The following ZNF707 variants were observed in gnomAD, a reference collection of about 807,000 sequenced individuals.
The protein encoded by ZNF707 is zinc finger protein 707.
ZNF707 carries 8 observed loss-of-function variants against 13.3 expected under a neutral mutation model. That is an observed-to-expected ratio of 0.60 (90% CI 0.35 to 1.09). ZNF707 has a LOEUF of 1.09. ZNF707 is among the 50% of genes least tolerant of loss of function. The probability of loss-of-function intolerance (pLI) is 0.02; values close to 1 mark genes in which losing one functional copy is unlikely to be tolerated. For missense variants in ZNF707, 530 were observed against 512.6 expected (o/e 1.03, Z -0.33); for synonymous variants, 225 against 205.6 (o/e 1.09, Z -0.81).
rs958869492 is a variant in ZNF707, at chr8:143,694,772, G to C, written c.*242G>C. ...GAGATGGCGGGGGCTGCGCCCCGGC[G>C]CCGGGCATCCTGGGGATGTGCTGAG... On this transcript the variant is annotated 3_prime_UTR_variant, in exon 6 of 6. Coordinates refer to ENST00000358656, the MANE Select transcript of ZNF707 (RefSeq NM_001100598.2). The surrounding 1 kb of genome is among the most constrained non-coding windows in gnomAD (Gnocchi z 4.4). 5 of 504,614 alleles carry C rather than the reference G, an allele frequency of 9.9e-6. No individual in the cohort carries two copies. In the Admixed American group the frequency reaches 1.5e-4, roughly 15 times the overall value. The allele number at this position is 504,614 out of a possible 1,614,324, so 31.3% of individuals were successfully genotyped here. A position where few individuals can be genotyped will look rare whatever the true frequency, so the allele number is the denominator to read the frequency against.
rs1554614556 is a variant in ZNF707, at chr8:143,694,075, C to G, written c.661C>G (p.Arg221Gly). The stretch of plus-strand genomic sequence containing the variant: ...CTTCCGGTGGGCTTCAAACCTGCAG[C>G]GCCACCAGAAGAACCACACGCGCGA... Reference protein sequence around the residue: ...QTFRWASNLQRHQKNHTREKP... With the variant: ...QTFRWASNLQGHQKNHTREKP... The change falls in exon 6 of 6, where the codon CGC becomes GGC. Residue 221 changes from arginine to glycine, a missense_variant. Arg to Gly is a moderately radical substitution (Grantham distance 125, BLOSUM62 -2). Transcript: ENST00000358656. The surrounding 1 kb of genome is among the most constrained non-coding windows in gnomAD (Gnocchi z 4.4). 3 of 1,607,158 alleles carry G rather than the reference C, an allele frequency of 1.9e-6. No individual in the cohort carries two copies. In the South Asian group the frequency reaches 3.3e-5, roughly 18 times the overall value.
In ZNF707 at chr8:143,690,113, A is replaced by G. The variant is rs1298925522; in HGVS notation, c.5A>G (p.Asp2Gly). 1 of 1,607,828 alleles carries G rather than the reference A, an allele frequency of 6.2e-7. No individual in the cohort carries two copies. Among genetic ancestry groups the G allele is most frequent in the Non-Finnish European group, 8.5e-7 (1 of 1,179,758 alleles). ...AGGGGTGGCCTCGCTGTTCCCATGGACATGGCCCAGGTGAGCCCTGCTGCT... is the reference window on the plus strand; with the variant it reads ...AGGGGTGGCCTCGCTGTTCCCATGGGCATGGCCCAGGTGAGCCCTGCTGCT... M[D>G]MAQEPVTFRD... Residue 2 changes from aspartate (D) to glycine (G), a missense_variant, in exon 3 of 6, where the codon GAC (aspartate) becomes GGC (glycine). Asp to Gly is a moderately conservative substitution (Grantham distance 94, BLOSUM62 -1). Coordinates refer to ENST00000358656, the MANE Select transcript of ZNF707 (RefSeq NM_001100598.2).
Position 143,694,747 on chromosome 8 carries a change from G to A in ZNF707, c.*217G>A. 3.5e-6 allele frequency: 2 copies of A among 566,422 alleles called. No homozygotes were observed. Among genetic ancestry groups the A allele is most frequent in the Non-Finnish European group, 5.9e-6 (2 of 336,166 alleles). The allele number at this position is 566,422 out of a possible 1,614,324, so 35.1% of individuals were successfully genotyped here. Reference sequence around the variant, plus strand: ...TACGCCGGAGATGGCGGGGGCTCTGGAGATGGCGGGGGCTGCGCCCCGGCG... The same window carrying A: ...TACGCCGGAGATGGCGGGGGCTCTGAAGATGGCGGGGGCTGCGCCCCGGCG... On this transcript the variant is annotated 3_prime_UTR_variant, in exon 6 of 6. Coordinates refer to ENST00000358656, the MANE Select transcript of ZNF707 (RefSeq NM_001100598.2). The surrounding 1 kb of genome is among the most constrained non-coding windows in gnomAD (Gnocchi z 4.4).
At position 143,689,218 on chromosome 8, in the gene ZNF707, T is replaced by A. The variant is rs1308300496; in HGVS notation, c.-136T>A. On this transcript the variant is annotated 5_prime_UTR_variant, in exon 2 of 6. Coordinates refer to ENST00000358656, the MANE Select transcript of ZNF707 (RefSeq NM_001100598.2). ...TTTCATCTCAGTTGCTGAACCTGTTTGCATGAGTTGCTCCTGACGGCCCTT... is the reference window on the plus strand; with the variant it reads ...TTTCATCTCAGTTGCTGAACCTGTTAGCATGAGTTGCTCCTGACGGCCCTT... The A allele has an allele frequency of 6.6e-6, 1 of 152,312 alleles. No individual in the cohort carries two copies. The highest frequency in any genetic ancestry group is 2.4e-5 in the African/African-American group (1 of 41,468). 9.4% of individuals were successfully genotyped at this position (152,312 alleles called of 1,614,324 possible). A position where few individuals can be genotyped will look rare whatever the true frequency, so the allele number is the denominator to read the frequency against.
intron 1 of ZNF707, chr8:143,684,846 A>G: frequency 6.6e-6 from 1 of 152,146 alleles, no homozygotes; most frequent in Non-Finnish European, 1.5e-5. Flanking sequence ...TCCCTCATAG[A>G]CACTTTCCAC....
At chr8:143,690,423 T>C in intron 3 of ZNF707, 1 of 378,472 alleles carries the variant, frequency 2.6e-6, no homozygotes, top group East Asian at 4.9e-5. Context: ...TACAAAAAAT[T>C]AGCTGGGCAC....
At chr8:143,688,422 C>T (rs782109986) in intron 1 of ZNF707, among the ~76,000 whole-genome samples, 1 of 152,072 alleles carries the variant, frequency 6.6e-6, no homozygotes, top group East Asian at 1.9e-4. Context: ...CCGAGGGAGC[C>T]GCCCCATGCA....
Position 143,694,137 on chromosome 8 carries a change from C to T in ZNF707, c.723C>T (p.Phe241=). 2 of 1,595,166 alleles carry T rather than the reference C, an allele frequency of 1.3e-6. No homozygotes were observed. The highest frequency in any genetic ancestry group is 2.3e-5 in the East Asian group (1 of 44,304). The change falls in exon 6 of 6, where the codon TTC becomes TTT. Residue 241 remains phenylalanine, a synonymous_variant. Coordinates refer to ENST00000358656, the MANE Select transcript of ZNF707 (RefSeq NM_001100598.2). This position sits in a 1 kb window ranked among gnomAD's most constrained non-coding sequence, Gnocchi z 4.4. ...PFCCEACGQA[F]SLKDRLAQHR... ...GCTGCGAGGCCTGCGGGCAGGCGTT[C>T]AGCCTGAAGGACCGCCTGGCTCAGC...
intron 3 of ZNF707, 37 bp downstream of exon 3, chr8:143,690,160 G>A: frequency 6.2e-7 from 1 of 1,600,838 alleles, no homozygotes; most frequent in Non-Finnish European, 8.5e-7. Flanking sequence ...CCTCCCTTCT[G>A]CCCTGCTGGC....
intron 1 of ZNF707, among the ~76,000 whole-genome samples, chr8:143,685,337 A>C (rs1816156835): frequency 6.6e-6 from 1 of 152,168 alleles, no homozygotes. Context: ...CAGCTTGGTC[A>C]GCATGTTGAA....
In ZNF707 at chr8:143,693,375, C is replaced by A. The variant is rs1360943649; in HGVS notation, c.257-296C>A. Among the ~76,000 whole-genome samples, 1 of 151,836 alleles carries A rather than the reference C, an allele frequency of 6.6e-6. No individual in the cohort carries two copies. Among genetic ancestry groups the A allele is most frequent in the Non-Finnish European group, 1.5e-5 (1 of 67,938 alleles). ...CAATCTCGGCTCACTGCAAGCTCCG[C>A]TTCCCGGGTTCACGCCATTCTCCTG... On this transcript the variant is annotated intron_variant, in intron 5 of 5. Transcript: ENST00000358656. The surrounding 1 kb of genome is among the most constrained non-coding windows in gnomAD (Gnocchi z 4.1).
intron 1 of ZNF707, among the ~76,000 whole-genome samples, chr8:143,686,733 T>C (rs1816309401): frequency 6.6e-6 from 1 of 151,142 alleles, no homozygotes; most frequent in Admixed American, 6.6e-5. Flanking sequence ...CTCAAACTCC[T>C]GGCCTCAAGC....
Position 143,694,591 on chromosome 8 carries a change from G to T in ZNF707, c.*61G>T. The stretch of plus-strand genomic sequence containing the variant: ...GAGTACTGGGTCCTGAGGGAGAGCT[G>T]CAGTGAGAAGTTGCTCTTCAGCCTG... On this transcript the variant is annotated 3_prime_UTR_variant, in exon 6 of 6. Coordinates refer to ENST00000358656, the MANE Select transcript of ZNF707 (RefSeq NM_001100598.2). This position sits in a 1 kb window ranked among gnomAD's most constrained non-coding sequence, Gnocchi z 4.4. 2 of 1,479,916 alleles carry T rather than the reference G, an allele frequency of 1.4e-6. No homozygotes were observed. The highest frequency in any genetic ancestry group is 1.8e-6 in the Non-Finnish European group (2 of 1,112,586). 91.7% of individuals were successfully genotyped at this position (1,479,916 alleles called of 1,614,324 possible). A position where few individuals can be genotyped will look rare whatever the true frequency, so the allele number is the denominator to read the frequency against.
In ZNF707 at chr8:143,693,727, A is replaced by C; in HGVS notation, c.313A>C (p.Lys105Gln). 2 of 1,612,180 alleles carry C rather than the reference A, an allele frequency of 1.2e-6. No homozygotes were observed. The highest frequency in any genetic ancestry group is 1.7e-6 in the Non-Finnish European group (2 of 1,179,338). The stretch of plus-strand genomic sequence containing the variant: ...TTGTGATCATCCAGCTTGGGCTCAC[A>C]AGAAAACCCACGTGCGGCGAGAAAG... Reference protein sequence around the residue: ...RPCDHPAWAHKKTHVRRERAR... With the variant: ...RPCDHPAWAHQKTHVRRERAR... Residue 105 changes from lysine (K) to glutamine (Q), a missense_variant, in exon 6 of 6, where the codon AAG (lysine) becomes CAG (glutamine). Physicochemically the swap from Lys to Gln is moderately conservative, Grantham distance 53. Coordinates refer to ENST00000358656, the MANE Select transcript of ZNF707 (RefSeq NM_001100598.2). This position sits in a 1 kb window ranked among gnomAD's most constrained non-coding sequence, Gnocchi z 4.1.
intron 5 of ZNF707, 163 bp downstream of exon 5, chr8:143,691,876 C>A: frequency 1.1e-6 from 1 of 946,510 alleles, no homozygotes; most frequent in Non-Finnish European, 1.6e-6. Context: ...GTAGGGGCAG[C>A]CACGCTCCTG....
chr8:143,690,765 G>C (rs902686932), intron 3 of ZNF707: 2 of 363,920 alleles, frequency 5.5e-6, no homozygotes, highest in Non-Finnish European at 9.9e-6. Context: ...TTTCTGGTGG[G>C]GGCCACTATT....
chr8:143,686,517 G>A (rs1554612051), intron 1 of ZNF707, among the ~76,000 whole-genome samples: 3 of 152,180 alleles, frequency 2.0e-5, no homozygotes, highest in South Asian at 2.1e-4. Flanking sequence ...TTTGGTTGAA[G>A]TGTCTGTTCT....
intron 1 of ZNF707, among the ~76,000 whole-genome samples, chr8:143,685,434 G>A (rs1287986558): frequency 6.6e-6 from 1 of 150,698 alleles, no homozygotes; most frequent in Non-Finnish European, 1.5e-5. Context: ...GCTGAGGCAA[G>A]AGAATCGTTT....
At chr8:143,685,521 A>G (rs1321593903) in intron 1 of ZNF707, among the ~76,000 whole-genome samples, 1 of 80,162 alleles carries the variant, frequency 1.2e-5, no homozygotes, top group African/African-American at 5.2e-5. Flanking sequence ...GCGAGACATC[A>G]TCTTATTAAA....
Sources: allele counts gnomAD v4.1 joint callset (sites outside exome capture counted in the v4.1 genomes callset), GRCh38; gene constraint gnomAD v4.1.1; non-coding constraint Gnocchi (gnomAD v3.1); transcripts MANE v1.5; gene names NCBI Gene and HGNC (gene_info 2026-07-23, HGNC 2026-07-21).